Variants in RBFOX1 observed in about 807,000 individuals in gnomAD.
The protein encoded by RBFOX1 is RNA binding protein fox-1 homolog 1.
A neutral mutation model predicts 57.7 loss-of-function variants in RBFOX1; 8 were observed. The observed-to-expected ratio is 0.14, with a 90% CI of 0.08 to 0.25. The LOEUF is 0.25. Among genes scored for constraint, RBFOX1 ranks in the 10% least tolerant of loss-of-function variants. The probability of loss-of-function intolerance (pLI) is 1.00; values close to 1 mark genes in which losing one functional copy is unlikely to be tolerated. For synonymous variants in RBFOX1, 326 were observed against 222.4 expected, an observed-to-expected ratio of 1.47 and a Z score of -4.15; for missense variants, 611 against 548.5, an observed-to-expected ratio of 1.11 and a Z score of -1.14.
At chr16:5,522,671 T>A (rs1015780362) in intron 2 of RBFOX1, among the ~76,000 whole-genome samples, 1 of 152,216 alleles carries the variant, frequency 6.6e-6, no homozygotes, top group Admixed American at 6.5e-5. Context: ...CCAGTCTCTC[T>A]CATCTCTCCA....
chr16:5,277,988 T>C (rs1342987422), intron 1 of RBFOX1, among the ~76,000 whole-genome samples: 1 of 152,232 alleles, frequency 6.6e-6, no homozygotes, highest in Non-Finnish European at 1.5e-5. Context: ...ATCCCGTTGA[T>C]ACACTGATAT....
intron 3 of RBFOX1, among the ~76,000 whole-genome samples, chr16:7,044,911 G>C (rs1456464522): frequency 6.6e-6 from 1 of 152,106 alleles, no homozygotes; most frequent in African/African-American, 2.4e-5. Flanking sequence ...TTTTTTAAGA[G>C]CCTCATTAGT....
At chr16:6,834,328 G>A (rs554255670) in intron 3 of RBFOX1, among the ~76,000 whole-genome samples, 8 of 152,094 alleles carry the variant, frequency 5.3e-5, no homozygotes, top group East Asian at 1.9e-4. Flanking sequence ...CACCCACCTC[G>A]GCCTCCCAAA....
intron 2 of RBFOX1, among the ~76,000 whole-genome samples, chr16:6,538,007 A>C (rs1168805781): frequency 6.6e-6 from 1 of 151,674 alleles, no homozygotes; most frequent in Non-Finnish European, 1.5e-5. Context: ...TTATATTTCT[A>C]CTTTCAAACT....
chr16:7,526,643 T>C (rs1049984085), intron 5 of RBFOX1, among the ~76,000 whole-genome samples: 2 of 152,198 alleles, frequency 1.3e-5, no homozygotes, highest in East Asian at 1.9e-4. Flanking sequence ...CGTCTAAAAA[T>C]AGGGTGAATA....
rs559175935 is a variant in RBFOX1 at position 7,643,744 on chromosome 16, A to T, written c.758-10071A>T. Among the ~76,000 whole-genome samples, 5 of 152,350 alleles carry T rather than the reference A, an allele frequency of 3.3e-5. No individual in the cohort carries two copies. In the East Asian group the frequency reaches 9.6e-4, roughly 29 times the overall value. On this transcript the variant is annotated intron_variant, in intron 11 of 15. Coordinates refer to ENST00000550418, the MANE Select transcript of RBFOX1 (RefSeq NM_018723.4). The stretch of plus-strand genomic sequence containing the variant: ...AACAGCCTGCCTTTGAACTCTTACC[A>T]GGAACATAAATCAGTGGTGATCCCT...
At chr16:6,633,878 G>C (rs1365072275) in intron 2 of RBFOX1, among the ~76,000 whole-genome samples, 5 of 152,072 alleles carry the variant, frequency 3.3e-5, no homozygotes, top group Admixed American at 6.6e-5. Context: ...ATGCATGGTG[G>C]TGCATGCCTG....
intron 4 of RBFOX1, among the ~76,000 whole-genome samples, chr16:5,873,096 G>A (rs1443738508): frequency 6.6e-6 from 1 of 152,188 alleles, no homozygotes; most frequent in African/African-American, 2.4e-5. Flanking sequence ...GTTGCAGTGA[G>A]CTACTATCAT....
intron 4 of RBFOX1, among the ~76,000 whole-genome samples, chr16:7,072,717 A>G (rs116739735): frequency 0.015 from 2,228 of 152,322 alleles, 62 homozygotes; most frequent in African/African-American, 0.051. Flanking sequence ...TACTGGACAA[A>G]ATATATGAAG....
chr16:7,202,802 G>A lies in RBFOX1; in HGVS notation c.27+150704G>A, dbSNP rs186734920. Among the ~76,000 whole-genome samples the A allele has an allele frequency of 1.9e-3, 294 of 152,238 alleles. 1 individual carries two copies. The highest frequency in any genetic ancestry group is 6.6e-3 in the African/African-American group (276 of 41,550). The stretch of plus-strand genomic sequence containing the variant: ...CATCCTGAAACCATCCCCTGCAACA[G>A]CCCCCCACCCTGGCCATTAGTTTAT... On this transcript the variant is annotated intron_variant, in intron 4 of 15. Coordinates refer to ENST00000550418, the MANE Select transcript of RBFOX1 (RefSeq NM_018723.4).
intron 4 of RBFOX1, among the ~76,000 whole-genome samples, chr16:5,983,194 G>A (rs540277117): frequency 1.3e-5 from 2 of 152,312 alleles, no homozygotes; most frequent in Non-Finnish European, 2.9e-5. Context: ...GAGCTGAGAG[G>A]CCACGGGGAA....
intron 12 of RBFOX1, among the ~76,000 whole-genome samples, chr16:7,663,756 T>C (rs903832215): frequency 3.3e-5 from 5 of 152,150 alleles, no homozygotes; most frequent in African/African-American, 2.4e-5. Context: ...CTTTTAAAAA[T>C]AGGCATTTAG....
At chr16:5,750,232 G>T (rs572187773) in intron 3 of RBFOX1, among the ~76,000 whole-genome samples, 1 of 152,116 alleles carries the variant, frequency 6.6e-6, no homozygotes, top group South Asian at 2.1e-4. Context: ...TGGAAGCTTC[G>T]TCTCAGAGGG....
In RBFOX1 at chr16:7,604,613, C is replaced by T. The variant is rs182885975; in HGVS notation, c.623-2672C>T. Among the ~76,000 whole-genome samples the T allele has an allele frequency of 8.1e-4, 123 of 152,050 alleles. 1 individual carries two copies. The highest frequency in any genetic ancestry group is 2.7e-3 in the African/African-American group (112 of 41,460). On this transcript the variant is annotated intron_variant, in intron 9 of 15. Transcript: ENST00000550418. ...TAGGGGGATAGACAGATTATAGATA[C>T]GTTTATAGATAGATCAGTAGATAGA...
chr16:6,783,774 T>C (rs935046075), intron 3 of RBFOX1, among the ~76,000 whole-genome samples: 3 of 152,174 alleles, frequency 2.0e-5, no homozygotes, highest in Admixed American at 6.5e-5. Flanking sequence ...TGCACATTTG[T>C]ACCCCTGTCT....
chr16:7,598,859 C>G (rs376569768), intron 9 of RBFOX1, among the ~76,000 whole-genome samples: 1 of 152,110 alleles, frequency 6.6e-6, no homozygotes, highest in South Asian at 2.1e-4. Flanking sequence ...GAACTAAATA[C>G]TGATTGTTTA....
intron 4 of RBFOX1, among the ~76,000 whole-genome samples, chr16:5,942,630 G>A (rs1298168752): frequency 6.6e-6 from 1 of 152,044 alleles, no homozygotes; most frequent in Non-Finnish European, 1.5e-5. Flanking sequence ...TTTTACAGAG[G>A]CAGTTTAGTT....
At chr16:5,356,979 G>A (rs190466705) in intron 1 of RBFOX1, among the ~76,000 whole-genome samples, 20 of 152,280 alleles carry the variant, frequency 1.3e-4, no homozygotes, top group Non-Finnish European at 4.4e-5. Flanking sequence ...AGTGAAGTAG[G>A]TACTATTACT....
chr16:7,444,127 G>T (rs1190808607), intron 4 of RBFOX1, among the ~76,000 whole-genome samples: 2 of 152,178 alleles, frequency 1.3e-5, no homozygotes, highest in South Asian at 2.1e-4. Context: ...CTAAACCAAC[G>T]TTATACTAAA....
Sources: gnomAD v4.1 joint callset for allele counts (sites outside exome capture counted in the v4.1 genomes callset) on GRCh38, gnomAD v4.1.1 for gene constraint, MANE v1.5 for transcripts, NCBI Gene and HGNC (gene_info 2026-07-23, HGNC 2026-07-21) for gene names.